Variants in GRIN2A observed in about 807,000 individuals in gnomAD.
GRIN2A encodes the protein glutamate receptor ionotropic, NMDA 2A.
GRIN2A carries 22 observed loss-of-function variants against 113.4 expected under a neutral mutation model. The ratio of observed to expected loss-of-function variants is 0.19; its 90% CI spans 0.14 to 0.28. The LOEUF (loss-of-function observed/expected upper bound fraction) is 0.28. GRIN2A is among the 10% of genes least tolerant of loss of function. The probability of loss-of-function intolerance (pLI) is 1.00; values close to 1 mark genes in which losing one functional copy is unlikely to be tolerated. For synonymous variants in GRIN2A, 827 were observed against 738.4 expected (o/e 1.12, Z -1.94); for missense variants, 1,502 against 1,887.0 (o/e 0.80, Z 3.78).
rs1900485824 is a variant in GRIN2A at position 9,759,419 on chromosome 16, T to A, written c.*3730A>T. ...TCGACATAGCAAATAGAATAAACAA[T>A]GTGTGACTATATGACAGCTGTGGAT... On this transcript the variant is annotated 3_prime_UTR_variant, in exon 13 of 13. Transcript: ENST00000330684. 2 of 225,366 alleles carry A rather than the reference T, an allele frequency of 8.9e-6. No homozygotes were observed. Among genetic ancestry groups the A allele is most frequent in the African/African-American group, 4.4e-5 (2 of 44,944 alleles). The allele number at this position is 225,366 out of a possible 1,614,324, so 14.0% of individuals were successfully genotyped here.
chr16:9,888,485 T>C (rs1386500380), intron 4 of GRIN2A, among the ~76,000 whole-genome samples: 1 of 151,938 alleles, frequency 6.6e-6, no homozygotes, highest in African/African-American at 2.4e-5. Context: ...GTTTTTTTTT[T>C]CCATGTAGAT....
At chr16:10,017,671 C>T (rs1169580866) in intron 2 of GRIN2A, among the ~76,000 whole-genome samples, 3 of 152,128 alleles carry the variant, frequency 2.0e-5, no homozygotes, top group African/African-American at 7.2e-5. Context: ...ACTCAGTATA[C>T]ATTGGTCATC....
intron 11 of GRIN2A, among the ~76,000 whole-genome samples, chr16:9,797,044 GAAGAT>G (rs1214342811): frequency 1.3e-5 from 2 of 152,252 alleles, no homozygotes; most frequent in African/African-American, 2.4e-5. Context: ...TGAATAGAAA[GAAGAT>G]AAGAAGCCAC....
At chr16:10,136,805 G>A (rs116776745) in intron 2 of GRIN2A, among the ~76,000 whole-genome samples, 4 of 152,260 alleles carry the variant, frequency 2.6e-5, no homozygotes, top group East Asian at 1.9e-4. Context: ...ACAATGTTTC[G>A]TTTTATCATT....
chr16:10,002,515 T>G (rs1049940032), intron 2 of GRIN2A, among the ~76,000 whole-genome samples: 1 of 152,206 alleles, frequency 6.6e-6, no homozygotes, highest in Non-Finnish European at 1.5e-5. Flanking sequence ...GAAGTCAGTG[T>G]AGTCATCTAT....
At chr16:9,954,161 G>A (rs963495858) in intron 2 of GRIN2A, among the ~76,000 whole-genome samples, 14 of 152,130 alleles carry the variant, frequency 9.2e-5, no homozygotes, top group African/African-American at 2.4e-4. Context: ...AAAGGAAAAC[G>A]AAGTGAACAT....
chr16:9,876,916 C>G (rs1436449388), intron 4 of GRIN2A, among the ~76,000 whole-genome samples: 1 of 152,080 alleles, frequency 6.6e-6, no homozygotes, highest in African/African-American at 2.4e-5. Flanking sequence ...GTTACTTTGT[C>G]CTAAAGAATA....
At chr16:9,819,921 C>CAAAAA (rs71157787) in intron 10 of GRIN2A, among the ~76,000 whole-genome samples, 1 of 63,652 alleles carries the variant, frequency 1.6e-5, no homozygotes, top group East Asian at 8.9e-4. Flanking sequence ...AACTCCGTCT[C>CAAAAA]AAAAAAAAAA....
rs1457265763 is a variant in GRIN2A at position 9,998,613 on chromosome 16, A to C, written c.415-60062T>G. 2.6e-5 allele frequency among the ~76,000 whole-genome samples: 4 copies of C among 152,318 alleles called. No individual in the cohort carries two copies. The East Asian group carries it at 7.7e-4, about 29-fold the overall frequency. ...GCCAGATCACAAAGTATGCTCTTTA[A>C]ATTTTTATAAAAATTGGCAAATTGC... On this transcript the variant is annotated intron_variant, in intron 2 of 12. Coordinates refer to ENST00000330684, the MANE Select transcript of GRIN2A (RefSeq NM_001134407.3).
chr16:9,984,379 T>G (rs2045943790), intron 2 of GRIN2A, among the ~76,000 whole-genome samples: 1 of 152,196 alleles, frequency 6.6e-6, no homozygotes, highest in Admixed American at 6.5e-5. Flanking sequence ...TTTGTCTATT[T>G]TTGCTGATGT....
In GRIN2A at chr16:10,135,685, T is replaced by C. The variant is rs74437346; in HGVS notation, c.414+44313A>G. Among the ~76,000 whole-genome samples the C allele has an allele frequency of 3.5e-3, 535 of 152,230 alleles. 6 individuals are homozygous for C. Among genetic ancestry groups the C allele is most frequent in the African/African-American group, 0.012 (517 of 41,534 alleles). ...GTGGGGAATGGGTAGGTAAGTCCAA[T>C]ATCCACAGGGCAGGCTGGAACTTCT... is the stretch of plus-strand genomic sequence containing the variant. On this transcript the variant is annotated intron_variant, in intron 2 of 12. Transcript: ENST00000330684.
In GRIN2A at chr16:9,764,723, A is replaced by C. The variant is rs1670156767; in HGVS notation, c.2821T>G (p.Leu941Val). ...IMDMVSDKGN[L>V]MYSDNRSFQG... Reference sequence around the variant, plus strand: ...AAGGACCTGTTGTCTGAGTACATCAAATTCCCCTTATCTGAAACCATGTCC... The same window carrying C: ...AAGGACCTGTTGTCTGAGTACATCACATTCCCCTTATCTGAAACCATGTCC... Residue 941 changes from leucine to valine, a missense_variant, in exon 13 of 13, where the codon TTG (leucine) becomes GTG (valine). This residue lies in a region of GRIN2A where 832 missense variants were observed against 789.7 expected (regional missense o/e 1.05). Transcript: ENST00000330684. The C allele has an allele frequency of 1.2e-6, 2 of 1,614,236 alleles. No homozygotes were observed. Among genetic ancestry groups the C allele is most frequent in the African/African-American group, 2.7e-5 (2 of 75,062 alleles).
chr16:10,134,703 C>A (rs1323195093), intron 2 of GRIN2A, among the ~76,000 whole-genome samples: 1 of 152,084 alleles, frequency 6.6e-6, no homozygotes, highest in Non-Finnish European at 1.5e-5. Context: ...GTCCAAATTG[C>A]CAATGTTTAT....
chr16:9,920,739 T>C (rs1230274625), intron 3 of GRIN2A, among the ~76,000 whole-genome samples: 3 of 152,014 alleles, frequency 2.0e-5, no homozygotes, highest in African/African-American at 7.3e-5. Flanking sequence ...GCTAATTTTT[T>C]TGTATTTTAG....
intron 2 of GRIN2A, among the ~76,000 whole-genome samples, chr16:10,176,602 A>G (rs556949899): frequency 1.3e-5 from 2 of 151,742 alleles, no homozygotes; most frequent in South Asian, 4.2e-4. Context: ...CGCAAGGACA[A>G]AAAACCAAAC....
chr16:9,922,476 G>A (rs755144771), intron 3 of GRIN2A, among the ~76,000 whole-genome samples: 5 of 152,174 alleles, frequency 3.3e-5, no homozygotes, highest in African/African-American at 4.8e-5. Context: ...TGGCTTGCCT[G>A]AGAATTACAT....
In GRIN2A at chr16:9,761,440, G is replaced by C. The variant is rs1227930543; in HGVS notation, c.*1709C>G. The C allele has an allele frequency of 1.7e-5, 4 of 231,194 alleles. No homozygotes were observed. Among genetic ancestry groups the C allele is most frequent in the Non-Finnish European group, 3.4e-5 (4 of 116,898 alleles). The allele number at this position is 231,194 out of a possible 1,614,324, so 14.3% of individuals were successfully genotyped here. A position where few individuals can be genotyped will look rare whatever the true frequency, so the allele number is the denominator to read the frequency against. ...AGTGTTTCCGTAATGGCCCAAAACA[G>C]ACTGAGGTCTTCTGCAAACACTGAT... On this transcript the variant is annotated 3_prime_UTR_variant, in exon 13 of 13. Transcript: ENST00000330684.
chr16:9,840,414 A>G (rs112052871), intron 7 of GRIN2A, among the ~76,000 whole-genome samples: 8 of 152,088 alleles, frequency 5.3e-5, no homozygotes, highest in African/African-American at 1.9e-4. Flanking sequence ...TGATCCCGTC[A>G]CCTCCCATCA....
At chr16:10,026,616 T>A (rs17682922) in intron 2 of GRIN2A, among the ~76,000 whole-genome samples, 28,213 of 142,472 alleles carry the variant, frequency 0.2, 2,953 homozygotes, top group East Asian at 0.37. Context: ...ATGGATCTGC[T>A]CCATTCACTG....
Sources: allele counts gnomAD v4.1 joint callset (sites outside exome capture counted in the v4.1 genomes callset), GRCh38; gene constraint gnomAD v4.1.1; regional missense constraint gnomAD v4.1.1; transcripts MANE v1.5; gene names NCBI Gene and HGNC (gene_info 2026-07-23, HGNC 2026-07-21).